Variants in SYNE1 observed in about 807,000 individuals in gnomAD.
The protein encoded by SYNE1 is spectrin repeat containing nuclear envelope protein 1, also known as nesprin-1.
SYNE1 carries 616 observed loss-of-function variants against 1,111.0 expected under a neutral mutation model. That is an observed-to-expected ratio of 0.55 (90% confidence interval 0.52 to 0.59). SYNE1 has a LOEUF of 0.59. Among genes scored for constraint, SYNE1 ranks in the 20% least tolerant of loss-of-function variants. The pLI is 0.00. For missense variants in SYNE1, 10,006 were observed against 10,417.0 expected, an observed-to-expected ratio of 0.96 and a Z score of 1.72; for synonymous variants, 3,855 against 3,825.8, an observed-to-expected ratio of 1.01 and a Z score of -0.28.
intron 129 of SYNE1, chr6:152,179,533 T>C (rs762676939): frequency 1.3e-5 from 2 of 148,682 alleles, no homozygotes; most frequent in African/African-American, 4.9e-5. Flanking sequence ...ATATAAAGGG[T>C]TCCTACTGAA....
intron 54 of SYNE1, 84 bp downstream of exon 54, chr6:152,386,988 G>C (rs1055638932): frequency 1.6e-6 from 2 of 1,234,032 alleles, no homozygotes; most frequent in African/African-American, 3.0e-5. Flanking sequence ...CCTGACCTTG[G>C]CAACAGTCAT....
chr6:152,604,501 G>T (rs1003166052), intron 3 of SYNE1, among the ~76,000 whole-genome samples: 20 of 152,000 alleles, frequency 1.3e-4, no homozygotes, highest in Non-Finnish European at 1.8e-4. Context: ...ATAAGGTTTT[G>T]CCATGTTGCC....
chr6:152,189,438 G>A lies in SYNE1; in HGVS notation c.23146-31C>T, dbSNP rs2635460. 0.019 allele frequency: 30,770 copies of A among 1,609,428 alleles called. 1,071 individuals are homozygous for A. The highest frequency in any genetic ancestry group is 0.13 in the African/African-American group (9,569 of 74,894). On this transcript the variant is annotated intron_variant, in intron 127 of 145. Transcript: ENST00000367255. ...TAAAAAAACAAACTTGAATACCCAC[G>A]GACATCTCCTGCCAATGATTTCTGA...
At chr6:152,532,633 G>C (rs112281905) in intron 4 of SYNE1, among the ~76,000 whole-genome samples, 7 of 152,290 alleles carry the variant, frequency 4.6e-5, no homozygotes, top group African/African-American at 1.7e-4. Context: ...TTCTTCTGCA[G>C]AGCATGTAGG....
At chr6:152,186,731 G>C (rs771619581) in intron 128 of SYNE1, among the ~76,000 whole-genome samples, 12 of 152,110 alleles carry the variant, frequency 7.9e-5, no homozygotes, top group Middle Eastern at 3.4e-3. Flanking sequence ...CTCTCTGAAG[G>C]CTTCACAGGC....
chr6:152,346,754 G>A (rs1471144707), intron 73 of SYNE1, among the ~76,000 whole-genome samples: 1 of 152,120 alleles, frequency 6.6e-6, no homozygotes, highest in Non-Finnish European at 1.5e-5. Flanking sequence ...AGCTTGCAGT[G>A]AGCCGAGATC....
chr6:152,264,575 T>C (rs1380535103), intron 100 of SYNE1, among the ~76,000 whole-genome samples: 2 of 151,936 alleles, frequency 1.3e-5, no homozygotes, highest in African/African-American at 4.8e-5. Flanking sequence ...GGCAAGAGGA[T>C]CACTTGAGCC....
chr6:152,611,232 T>C lies in SYNE1; in HGVS notation c.67+17033A>G, dbSNP rs559836779. 3.3e-5 allele frequency among the ~76,000 whole-genome samples: 5 copies of C among 152,234 alleles called. No individual in the cohort carries two copies. In the South Asian group the frequency reaches 1.0e-3, roughly 32 times the overall value. The stretch of plus-strand genomic sequence containing the variant: ...TATAAAGAGTCAAGACCCATCAGTG[T>C]GCTGTATTCAGGAGACCCATCTCAC... On this transcript the variant is annotated intron_variant, in intron 3 of 145. Coordinates refer to ENST00000367255, the MANE Select transcript of SYNE1 (RefSeq NM_182961.4).
At chr6:152,302,282 G>C in intron 91 of SYNE1, 1 of 627,450 alleles carries the variant, frequency 1.6e-6, no homozygotes, top group Non-Finnish European at 2.8e-6. Context: ...CCGAGCCCGC[G>C]TCCCCGCGTC....
At chr6:152,363,984 A>G (rs1030750474) in intron 63 of SYNE1, among the ~76,000 whole-genome samples, 2 of 152,172 alleles carry the variant, frequency 1.3e-5, no homozygotes, top group Non-Finnish European at 2.9e-5. Context: ...CCCCACCCAA[A>G]TATCATCTTG....
intron 131 of SYNE1, among the ~76,000 whole-genome samples, chr6:152,159,124 G>A (rs149862272): frequency 2.8e-4 from 42 of 152,246 alleles, no homozygotes; most frequent in African/African-American, 9.4e-4. Flanking sequence ...GCTAATTTTC[G>A]TATTTTTAGT....
chr6:152,631,590 G>A lies in SYNE1; in HGVS notation c.-223-3036C>T, dbSNP rs542790764. Among the ~76,000 whole-genome samples the A allele has an allele frequency of 2.6e-5, 4 of 152,288 alleles. No homozygotes were observed. The East Asian group carries it at 7.7e-4, about 29-fold the overall frequency. Reference sequence around the variant, plus strand: ...TGGAAGATCCAGAAAGATCAGTTAGGAAAGTATCTCAGGAATCCAGGTAGA... The same window carrying A: ...TGGAAGATCCAGAAAGATCAGTTAGAAAAGTATCTCAGGAATCCAGGTAGA... On this transcript the variant is annotated intron_variant, in intron 2 of 145. Coordinates refer to ENST00000367255, the MANE Select transcript of SYNE1 (RefSeq NM_182961.4).
chr6:152,351,248 A>G (rs868846349), intron 70 of SYNE1, among the ~76,000 whole-genome samples: 28 of 152,192 alleles, frequency 1.8e-4, no homozygotes, highest in African/African-American at 5.8e-4. Flanking sequence ...CAGGAGGAAG[A>G]GGTTGTGATT....
Position 152,239,759 on chromosome 6 carries a change from G to T in SYNE1, c.19894-53C>A. ...AGCAACTCATTCATATATTATGTTA[G>T]AATCAAAATTGGTTTAGGGCCGGGT... On this transcript the variant is annotated intron_variant, in intron 107 of 145. Transcript: ENST00000367255. 8 of 1,608,744 alleles carry T rather than the reference G, an allele frequency of 5.0e-6. No homozygotes were observed. In the South Asian group the frequency reaches 8.8e-5, roughly 18 times the overall value.
At chr6:152,323,343 G>A (rs893018553) in intron 82 of SYNE1, 135 bp downstream of exon 82, 19 of 1,338,112 alleles carry the variant, frequency 1.4e-5, no homozygotes. Flanking sequence ...AGAGGCTGAG[G>A]CAGGAGAATG....
At position 152,353,624 on chromosome 6, in the gene SYNE1, T is replaced by C. The variant is rs780319396; in HGVS notation, c.11047A>G (p.Thr3683Ala). 6.2e-7 allele frequency: 1 copy of C among 1,614,206 alleles called. No individual in the cohort carries two copies. Among genetic ancestry groups the C allele is most frequent in the South Asian group, 1.1e-5 (1 of 91,078 alleles). The change falls in exon 68 of 146, where the codon ACT becomes GCT. Residue 3683 changes from threonine to alanine, a missense_variant. Coordinates refer to ENST00000367255, the MANE Select transcript of SYNE1 (RefSeq NM_182961.4). The stretch of plus-strand genomic sequence containing the variant: ...AGAAGCAGGGCCTGGTATCTGGAAG[T>C]CAGCTGGGTGGCCTGGCAACCCATT... ...SRMGCQATQL[T>A]SRYQALLLQV... is the part of the protein sequence containing the mutation.
At chr6:152,566,782 A>G (rs922383771) in intron 3 of SYNE1, among the ~76,000 whole-genome samples, 1 of 152,190 alleles carries the variant, frequency 6.6e-6, no homozygotes, top group African/African-American at 2.4e-5. Flanking sequence ...GACTTCCATT[A>G]TTTAAGGGCC....
chr6:152,430,326 A>T, intron 35 of SYNE1, 116 bp from the exon 36 acceptor site: 1 of 1,136,578 alleles, frequency 8.8e-7, no homozygotes, highest in Non-Finnish European at 1.3e-6. Context: ...TAATGTAATT[A>T]TAAAATGCAT....
intron 42 of SYNE1, among the ~76,000 whole-genome samples, chr6:152,411,794 A>G (rs1349625641): frequency 6.6e-6 from 1 of 151,952 alleles, no homozygotes; most frequent in Admixed American, 6.6e-5. Flanking sequence ...GCAAATAAAC[A>G]AAAATGTCAC....
Sources: allele counts gnomAD v4.1 joint callset (sites outside exome capture counted in the v4.1 genomes callset), GRCh38; gene constraint gnomAD v4.1.1; transcripts MANE v1.5; gene names NCBI Gene and HGNC (gene_info 2026-07-23, HGNC 2026-07-21).